HDAC9: variants seen among roughly 807,000 people sequenced by gnomAD.
HDAC9 encodes the protein MEF-2 interacting transcription repressor (MITR) protein.
In HDAC9, 41 loss-of-function variants were observed where a neutral mutation model predicts 139.4. The observed-to-expected ratio is 0.29, with a 90% CI of 0.23 to 0.38. The LOEUF (loss-of-function observed/expected upper bound fraction) is 0.38, where lower values mean the gene tolerates loss of function less well. HDAC9 is among the 10% of genes least tolerant of loss of function. HDAC9 has a pLI of 1.00. For synonymous variants in HDAC9, 517 were observed against 476.2 expected, an observed-to-expected ratio of 1.09 and a Z score of -1.12; for missense variants, 1,147 against 1,297.0, an observed-to-expected ratio of 0.88 and a Z score of 1.78.
intron 11 of HDAC9, among the ~76,000 whole-genome samples, chr7:18,652,301 C>T (rs1043709578): frequency 2.6e-5 from 4 of 151,964 alleles, no homozygotes; most frequent in Non-Finnish European, 5.9e-5. Flanking sequence ...GTAGAACTTC[C>T]CTCAAATACA....
intron 24 of HDAC9, among the ~76,000 whole-genome samples, chr7:18,967,991 G>A (rs1024826943): frequency 3.3e-5 from 5 of 151,718 alleles, no homozygotes; most frequent in African/African-American, 7.2e-5. Context: ...GGAGAAACCC[G>A]GTCTCTACTA....
intron 24 of HDAC9, among the ~76,000 whole-genome samples, chr7:18,966,802 C>A (rs1242300059): frequency 6.6e-6 from 1 of 152,104 alleles, no homozygotes; most frequent in Non-Finnish European, 1.5e-5. Flanking sequence ...AAAGGACCAG[C>A]CTTCCATACA....
intron 2 of HDAC9, among the ~76,000 whole-genome samples, chr7:18,204,652 C>CGT (rs996117758): frequency 1.8e-4 from 28 of 151,730 alleles, no homozygotes; most frequent in Non-Finnish European, 3.5e-4. Flanking sequence ...AAATAAAATG[C>CGT]GTGTGTGTTC....
At chr7:18,726,773 C>CT (rs1785585153) in intron 12 of HDAC9, among the ~76,000 whole-genome samples, 3 of 149,476 alleles carry the variant, frequency 2.0e-5, no homozygotes, top group Admixed American at 1.3e-4. Context: ...AAATACATAC[C>CT]TTTTTTTGCA....
intron 22 of HDAC9, among the ~76,000 whole-genome samples, chr7:18,933,226 C>T (rs761734879): frequency 2.6e-5 from 4 of 152,156 alleles, no homozygotes; most frequent in Non-Finnish European, 4.4e-5. Flanking sequence ...AGGTTCTGGT[C>T]AGGGCCTTCT....
At chr7:18,260,306 TTTTTGTTTTTTTTTTTG>T (rs1795568069) in intron 2 of HDAC9, among the ~76,000 whole-genome samples, 1 of 119,764 alleles carries the variant, frequency 8.3e-6, no homozygotes, top group South Asian at 2.7e-4. Context: ...CAGACACTTT[TTTTTGTTTTTTTTTTTG>T]TTTTTTTTTT....
chr7:18,630,222 C>G (rs1441099989), intron 7 of HDAC9, among the ~76,000 whole-genome samples: 1 of 152,006 alleles, frequency 6.6e-6, no homozygotes, highest in Non-Finnish European at 1.5e-5. Context: ...TGAGTACCTA[C>G]TTAGAGTCAG....
intron 6 of HDAC9, among the ~76,000 whole-genome samples, chr7:18,596,471 A>G (rs1186755794): frequency 6.6e-6 from 1 of 152,166 alleles, no homozygotes; most frequent in African/African-American, 2.4e-5. Flanking sequence ...CTAAAAGAAT[A>G]ACACTGAAAT....
chr7:18,537,990 A>G (rs1811459343), intron 2 of HDAC9, among the ~76,000 whole-genome samples: 1 of 152,200 alleles, frequency 6.6e-6, no homozygotes, highest in South Asian at 2.1e-4. Context: ...CCTCTGCTCT[A>G]TTCTGTGCTT....
At chr7:18,444,885 T>C (rs1792148338) in intron 1 of HDAC9, among the ~76,000 whole-genome samples, 1 of 152,226 alleles carries the variant, frequency 6.6e-6, no homozygotes, top group African/African-American at 2.4e-5. Flanking sequence ...TTGTATTTAG[T>C]TTCTATGTAC....
Position 18,221,106 on chromosome 7 carries a change from C to CTTTTTTTTT in HDAC9, c.25+58762_25+58770dup, listed in dbSNP as rs537033538. Among the ~76,000 whole-genome samples, 466 of 139,600 alleles carry CTTTTTTTTT rather than the reference C, an allele frequency of 3.3e-3. 6 individuals carry two copies. Among genetic ancestry groups the CTTTTTTTTT allele is most frequent in the African/African-American group, 0.012 (441 of 36,370 alleles). 91.6% of individuals were successfully genotyped at this position (139,600 alleles called of 152,430 possible). On this transcript the variant is annotated intron_variant, in intron 2 of 12. Coordinates refer to the HDAC9 transcript ENST00000417496. ...TCTATAATATTTTGCATTTCTATTC[C>CTTTTTTTTT]TTTTTTTTTTTTTGTGACGGAGTTT...
rs1296635753 is a variant in HDAC9, at chr7:19,001,539, T to C, written c.*5477T>C. On this transcript the variant is annotated 3_prime_UTR_variant, in exon 26 of 26. Coordinates refer to ENST00000686413, the MANE Select transcript of HDAC9 (RefSeq NM_178425.4). ...TTATTAACTTAAAATTCAACAGAAA[T>C]GGAGTAATTAAAAAAAAAAACAAAA... The C allele has an allele frequency of 8.8e-6, 1 of 114,076 alleles. No individual in the cohort carries two copies. The highest frequency in any genetic ancestry group is 1.7e-5 in the Non-Finnish European group (1 of 58,664). 7.1% of individuals were successfully genotyped at this position (114,076 alleles called of 1,614,324 possible).
upstream of HDAC9, among the ~76,000 whole-genome samples, chr7:18,493,638 T>C (rs1469640862): frequency 1.3e-5 from 2 of 151,950 alleles, no homozygotes; most frequent in African/African-American, 4.8e-5. Context: ...AGATGATAGA[T>C]TTGTAGCTTG....
At chr7:18,130,132 A>G (rs1784911475) in intron 1 of HDAC9, among the ~76,000 whole-genome samples, 1 of 152,194 alleles carries the variant, frequency 6.6e-6, no homozygotes, top group African/African-American at 2.4e-5. Context: ...TTCAGAATAT[A>G]TACCAGTTGA....
intron 22 of HDAC9, among the ~76,000 whole-genome samples, chr7:18,877,097 T>C (rs1799375849): frequency 6.6e-6 from 1 of 152,150 alleles, no homozygotes; most frequent in African/African-American, 2.4e-5. Context: ...TTGACTAGTT[T>C]TGTGATACTT....
rs532919946 is a variant in HDAC9, at chr7:18,305,596, G to T, written c.-42+15081G>T. On this transcript the variant is annotated intron_variant, in intron 1 of 3. Coordinates refer to the HDAC9 transcript ENST00000413509. Reference sequence around the variant, plus strand: ...AGCATGACTCCCCTTTTATCATCAGGTTTTCTGGTCTGTAAGTCAACCAGA... The same window carrying T: ...AGCATGACTCCCCTTTTATCATCAGTTTTTCTGGTCTGTAAGTCAACCAGA... Among the ~76,000 whole-genome samples the T allele has an allele frequency of 1.2e-4, 18 of 152,058 alleles. 1 individual carries two copies. In the South Asian group the frequency reaches 3.3e-3, roughly 28 times the overall value.
At chr7:18,991,212 G>T (rs1785905553) in intron 25 of HDAC9, among the ~76,000 whole-genome samples, 1 of 152,078 alleles carries the variant, frequency 6.6e-6, no homozygotes. Flanking sequence ...ATACAAAATG[G>T]TATAACATTG....
intron 2 of HDAC9, among the ~76,000 whole-genome samples, chr7:18,180,261 A>ACACACACCCCCC (rs1385003655): frequency 3.5e-5 from 5 of 142,492 alleles, no homozygotes; most frequent in African/African-American, 1.3e-4. Flanking sequence ...ACACACACAC[A>ACACACACCCCCC]CACACACACA....
intron 22 of HDAC9, among the ~76,000 whole-genome samples, chr7:18,891,874 C>G (rs1800711112): frequency 6.6e-6 from 1 of 152,168 alleles, no homozygotes; most frequent in Admixed American, 6.5e-5. Flanking sequence ...TGAATGGATT[C>G]ATTCCCTCTG....
Sources: allele counts gnomAD v4.1 joint callset (sites outside exome capture counted in the v4.1 genomes callset), GRCh38; gene constraint gnomAD v4.1.1; transcripts MANE v1.5; gene names NCBI Gene and HGNC (gene_info 2026-07-23, HGNC 2026-07-21).